Variants in TP53BP1 observed in about 807,000 individuals in gnomAD.
The protein encoded by TP53BP1 is TP53-binding protein 1.
A neutral mutation model predicts 200.8 loss-of-function variants in TP53BP1; 61 were observed. The observed-to-expected ratio is 0.30, with a 90% CI of 0.25 to 0.38. The LOEUF is 0.38. Among genes scored for constraint, TP53BP1 ranks in the 10% least tolerant of loss-of-function variants. The probability of loss-of-function intolerance (pLI) is 1.00; values close to 1 mark genes in which losing one functional copy is unlikely to be tolerated. For synonymous variants in TP53BP1, 822 were observed against 844.3 expected (o/e 0.97, Z 0.46); for missense variants, 2,144 against 2,371.9 (o/e 0.90, Z 2.00).
At chr15:43,438,275 A>C (rs1165924723) in intron 16 of TP53BP1, 49 bp downstream of exon 16, 1 of 1,547,110 alleles carries the variant, frequency 6.5e-7, no homozygotes, top group Non-Finnish European at 8.9e-7. Context: ...GGCACTAACC[A>C]TTTTGTGAAC....
chr15:43,442,535 T>C (rs2045949436), intron 14 of TP53BP1, among the ~76,000 whole-genome samples: 1 of 151,990 alleles, frequency 6.6e-6, no homozygotes, highest in Non-Finnish European at 1.5e-5. Flanking sequence ...TCTTACTCCG[T>C]TGCCCAGGCT....
intron 4 of TP53BP1, among the ~76,000 whole-genome samples, chr15:43,489,179 T>C (rs1265900976): frequency 6.6e-6 from 1 of 152,268 alleles, no homozygotes; most frequent in Non-Finnish European, 1.5e-5. Context: ...ACAGTTGTAA[T>C]GGAATAGCTA....
In TP53BP1 at chr15:43,420,660, G is replaced by A. The variant is rs752697242; in HGVS notation, c.4326C>T (p.Ser1442=). The A allele has an allele frequency of 1.4e-5, 22 of 1,614,066 alleles. No individual in the cohort carries two copies. Among genetic ancestry groups the A allele is most frequent in the Non-Finnish European group, 1.8e-5 (21 of 1,180,038 alleles). The change falls in exon 21 of 28, where the codon AGC becomes AGT. Residue 1442 remains serine (S), a synonymous_variant. Coordinates refer to ENST00000382044, the MANE Select transcript of TP53BP1 (RefSeq NM_001141980.3). ...PNLSPDDKSF[S]RVVPRVPDST... ...AGTCTGGCACTCGGGGCACGACACG[G>A]CTGAAGGATTTATCATCTGGTGACA... is the stretch of plus-strand genomic sequence containing the variant.
intron 12 of TP53BP1, among the ~76,000 whole-genome samples, chr15:43,455,499 T>C (rs911135012): frequency 6.6e-6 from 1 of 152,134 alleles, no homozygotes; most frequent in East Asian, 1.9e-4. Context: ...GGCAGGTAGA[T>C]CACTTGAGTC....
chr15:43,447,311 G>A, intron 13 of TP53BP1, 55 bp downstream of exon 13: 1 of 1,548,452 alleles, frequency 6.5e-7, no homozygotes, highest in Non-Finnish European at 8.8e-7. Flanking sequence ...CACTTGTGTA[G>A]AGAATGATAT....
chr15:43,415,747 C>A lies in TP53BP1; in HGVS notation c.4936G>T (p.Ala1646Ser). ...GGGGTTGTGCTGCTGCTACTGGAGG[C>A]AGTAGGGGTGGCTGGGGAGCTGACG... is the stretch of plus-strand genomic sequence containing the variant. ...SNVSSPATPT[A>S]SSSSSTTPTR... The change falls in exon 23 of 28, where the codon GCC (alanine) becomes TCC (serine). Residue 1646 changes from alanine to serine, a missense_variant. This residue lies in a region of TP53BP1 where 334 missense variants were observed against 453.4 expected (regional missense o/e 0.74). Coordinates refer to ENST00000382044, the MANE Select transcript of TP53BP1 (RefSeq NM_001141980.3). The A allele has an allele frequency of 6.2e-7, 1 of 1,614,134 alleles. No homozygotes were observed. Among genetic ancestry groups the A allele is most frequent in the Non-Finnish European group, 8.5e-7 (1 of 1,180,024 alleles).
intron 24 of TP53BP1, among the ~76,000 whole-genome samples, chr15:43,409,995 A>T (rs1327713329): frequency 2.6e-5 from 4 of 152,276 alleles, no homozygotes; most frequent in East Asian, 1.9e-4. Context: ...TAAAAACATC[A>T]AAGGTTCCTG....
Position 43,470,058 on chromosome 15 carries a change from T to C in TP53BP1, c.1189A>G (p.Met397Val), listed in dbSNP as rs760477489. ...TCTTCAGATAACACTGACGTGTCCA[T>C]TGGCTTATCTGGTTTAAAACAGGAG... ...TEQEGRQDKP[M>V]DTSVLSEEGG... The change falls in exon 11 of 28, where the codon ATG becomes GTG. Residue 397 changes from methionine to valine, a missense_variant. Around this residue, in one of 4 missense-constraint regions of TP53BP1, gnomAD observed 1,700 missense variants for 1,710.3 expected, o/e 0.99. Coordinates refer to ENST00000382044, the MANE Select transcript of TP53BP1 (RefSeq NM_001141980.3). 1.4e-5 allele frequency: 22 copies of C among 1,612,470 alleles called. No individual in the cohort carries two copies. Among genetic ancestry groups the C allele is most frequent in the Middle Eastern group, 4.0e-4 (2 of 5,024 alleles).
intron 1 of TP53BP1, among the ~76,000 whole-genome samples, chr15:43,501,154 A>G (rs1010019023): frequency 1.3e-5 from 2 of 151,314 alleles, no homozygotes; most frequent in African/African-American, 4.9e-5. Flanking sequence ...TGATATTTTT[A>G]TTGAGGTAAA....
chr15:43,427,102 G>C (rs1442269938), intron 18 of TP53BP1, among the ~76,000 whole-genome samples: 1 of 151,548 alleles, frequency 6.6e-6, no homozygotes, highest in East Asian at 1.9e-4. Context: ...ACCAACAAAG[G>C]TCCCAGATCT....
chr15:43,414,380 T>C (rs569679364), intron 23 of TP53BP1, among the ~76,000 whole-genome samples: 23 of 152,310 alleles, frequency 1.5e-4, no homozygotes, highest in African/African-American at 5.1e-4. Flanking sequence ...CAATGAACTA[T>C]TGTTTTTAAA....
intron 13 of TP53BP1, 70 bp from the exon 14 acceptor site, chr15:43,446,660 A>G: frequency 1.3e-6 from 2 of 1,577,084 alleles, no homozygotes; most frequent in Non-Finnish European, 1.7e-6. Context: ...CAGCAATTCA[A>G]GGTCATCAAT....
intron 18 of TP53BP1, among the ~76,000 whole-genome samples, chr15:43,427,382 C>T (rs2045564131): frequency 6.6e-6 from 1 of 152,234 alleles, no homozygotes; most frequent in Non-Finnish European, 1.5e-5. Context: ...GTGTTCTAAA[C>T]TCCATTTGAG....
At chr15:43,462,159 C>T (rs1268176134) in intron 11 of TP53BP1, among the ~76,000 whole-genome samples, 2 of 134,044 alleles carry the variant, frequency 1.5e-5, no homozygotes, top group Non-Finnish European at 3.1e-5. Flanking sequence ...AGGTGAAACC[C>T]CATCTCTACT....
intron 1 of TP53BP1, among the ~76,000 whole-genome samples, chr15:43,498,395 T>C (rs1262684129): frequency 2.0e-5 from 3 of 152,222 alleles, no homozygotes; most frequent in Non-Finnish European, 4.4e-5. Flanking sequence ...TGTCACTTGA[T>C]ATAATGCACT....
intron 11 of TP53BP1, among the ~76,000 whole-genome samples, chr15:43,466,728 G>C (rs2046588733): frequency 6.6e-6 from 1 of 152,138 alleles, no homozygotes; most frequent in East Asian, 1.9e-4. Context: ...GTGATAGTGT[G>C]TGCCACTAGT....
At chr15:43,453,680 G>A (rs2046226062) in intron 12 of TP53BP1, among the ~76,000 whole-genome samples, 1 of 151,654 alleles carries the variant, frequency 6.6e-6, no homozygotes, top group South Asian at 2.1e-4. Context: ...GAGTAGCTGG[G>A]ACTACAGGCA....
rs890658621 is a variant in TP53BP1, at chr15:43,479,906, G to A, written c.611C>T (p.Thr204Ile). ...EVDKEQLQSVTTNSGYTRLSD... is the reference protein window; with the variant it reads ...EVDKEQLQSVITNSGYTRLSD... ...CAGCCTGGTATAACCAGAGTTGGTGGTTACTGATTGTAGCTGCTCTTTGTC... is the reference window on the plus strand; with the variant it reads ...CAGCCTGGTATAACCAGAGTTGGTGATTACTGATTGTAGCTGCTCTTTGTC... The change falls in exon 6 of 28, where the codon ACC (threonine) becomes ATC (isoleucine). Residue 204 changes from threonine (T) to isoleucine (I), a missense_variant. Around this residue, in one of 4 missense-constraint regions of TP53BP1, gnomAD observed 1,700 missense variants for 1,710.3 expected, o/e 0.99. Transcript: ENST00000382044. 5.0e-6 allele frequency: 8 copies of A among 1,614,036 alleles called. No homozygotes were observed. Among genetic ancestry groups the A allele is most frequent in the Non-Finnish European group, 6.8e-6 (8 of 1,180,028 alleles).
rs192301686 is a variant in TP53BP1 at position 43,499,866 on chromosome 15, A to G, written c.-8-7398T>C. Among the ~76,000 whole-genome samples the G allele has an allele frequency of 5.9e-5, 9 of 152,354 alleles. No homozygotes were observed. The East Asian group carries it at 1.7e-3, about 29-fold the overall frequency. On this transcript the variant is annotated intron_variant, in intron 1 of 27. Coordinates refer to the TP53BP1 transcript ENST00000263801. ...AGTTTCTAGCTTCAAAGAATTTACA[A>G]TCTAGGAAGGAGATAAGACATAGAA... is the stretch of plus-strand genomic sequence containing the variant.
Sources: allele counts gnomAD v4.1 joint callset (sites outside exome capture counted in the v4.1 genomes callset), GRCh38; gene constraint gnomAD v4.1.1; regional missense constraint gnomAD v4.1.1; transcripts MANE v1.5; gene names NCBI Gene and HGNC (gene_info 2026-07-23, HGNC 2026-07-21).